TRIM2: variants seen among roughly 807,000 people sequenced by gnomAD.
TRIM2 encodes the protein tripartite motif-containing protein 2.
Under a neutral mutation model 75.2 loss-of-function variants are expected in TRIM2, and 20 were observed. The observed-to-expected ratio is 0.27, with a 90% CI of 0.19 to 0.39. The LOEUF is 0.39. Ranked by LOEUF, TRIM2 falls within the 10% of genes least tolerant of loss-of-function variation. The probability of loss-of-function intolerance (pLI) is 1.00; values close to 1 mark genes in which losing one functional copy is unlikely to be tolerated. For missense variants in TRIM2, 660 were observed against 990.8 expected (o/e 0.67, Z 4.48); for synonymous variants, 373 against 388.3 (o/e 0.96, Z 0.46).
chr4:153,207,450 G>C (rs1272944529), intron 1 of TRIM2, among the ~76,000 whole-genome samples: 1 of 152,200 alleles, frequency 6.6e-6, no homozygotes, highest in Non-Finnish European at 1.5e-5. Context: ...ATCTCCCTAA[G>C]TCTGTATTCC....
chr4:153,262,271 C>T (rs1579096635), intron 1 of TRIM2, among the ~76,000 whole-genome samples: 1 of 152,060 alleles, frequency 6.6e-6, no homozygotes, highest in South Asian at 2.1e-4. Flanking sequence ...CCCCAAAATT[C>T]CAAGGCTAGG....
intron 1 of TRIM2, among the ~76,000 whole-genome samples, chr4:153,196,284 C>T (rs1363204796): frequency 6.6e-6 from 1 of 150,948 alleles, no homozygotes; most frequent in African/African-American, 2.5e-5. Context: ...CACACACACA[C>T]ACACAAACTG....
chr4:153,158,504 A>G (rs1006025403), intron 1 of TRIM2, among the ~76,000 whole-genome samples: 2 of 152,202 alleles, frequency 1.3e-5, no homozygotes, highest in African/African-American at 2.4e-5. Context: ...TAAATCTGTT[A>G]AATAATCACT....
intron 1 of TRIM2, among the ~76,000 whole-genome samples, chr4:153,238,098 CCTT>C (rs1745496037): frequency 6.6e-6 from 1 of 152,132 alleles, no homozygotes; most frequent in Non-Finnish European, 1.5e-5. Context: ...GGAATTTGGG[CCTT>C]CTTGTTTATT....
At chr4:153,276,345 A>G (rs1758024985) in intron 3 of TRIM2, 1 of 591,562 alleles carries the variant, frequency 1.7e-6, no homozygotes, top group East Asian at 2.8e-5. Context: ...TCTCCTTCAC[A>G]CATATTGTTG....
intron 1 of TRIM2, among the ~76,000 whole-genome samples, chr4:153,206,029 G>A (rs1200570352): frequency 6.6e-6 from 1 of 152,208 alleles, no homozygotes; most frequent in Non-Finnish European, 1.5e-5. Context: ...AGGCTCCAAA[G>A]GGAAAGGACA....
At chr4:153,244,636 G>A (rs75995700) in intron 1 of TRIM2, among the ~76,000 whole-genome samples, 4,771 of 151,658 alleles carry the variant, frequency 0.031, 96 homozygotes, top group Non-Finnish European at 0.046. Flanking sequence ...ATTTCCTCTG[G>A]GTTGAGGGAA....
At chr4:153,280,443 C>T (rs1326568334) in intron 3 of TRIM2, among the ~76,000 whole-genome samples, 13 of 134,808 alleles carry the variant, frequency 9.6e-5, no homozygotes, top group African/African-American at 3.8e-4. Context: ...GCAAGTGGCA[C>T]TATCTATCAT....
chr4:153,284,630 T>C (rs1230656381), intron 3 of TRIM2, among the ~76,000 whole-genome samples: 1 of 152,242 alleles, frequency 6.6e-6, no homozygotes, highest in African/African-American at 2.4e-5. Flanking sequence ...TCCTGACTTT[T>C]GATTCTAGTG....
At position 153,175,272 on chromosome 4, in the gene TRIM2, G is replaced by A. The variant is rs548536027; in HGVS notation, c.-49+22002G>A. ...GCTGACCTCGTGATCCACCCGCCTC[G>A]GCTTCCCAACGTGCTGGCATTACAG... On this transcript the variant is annotated intron_variant, in intron 1 of 11. Coordinates refer to the TRIM2 transcript ENST00000437508. Among the ~76,000 whole-genome samples the A allele has an allele frequency of 3.3e-5, 5 of 152,096 alleles. No individual in the cohort carries two copies. In the East Asian group the frequency reaches 9.7e-4, roughly 29 times the overall value.
At chr4:153,267,578 G>A (rs2150021968) in intron 1 of TRIM2, among the ~76,000 whole-genome samples, 1 of 152,312 alleles carries the variant, frequency 6.6e-6, no homozygotes, top group South Asian at 2.1e-4. Flanking sequence ...GTGAATCCGG[G>A]AGGCGGAGCT....
chr4:153,229,547 C>G (rs913658224), intron 1 of TRIM2, among the ~76,000 whole-genome samples: 1 of 152,162 alleles, frequency 6.6e-6, no homozygotes, highest in Admixed American at 6.5e-5. Context: ...CATGAGCCAT[C>G]GCACCTGGCC....
chr4:153,254,639 G>C (rs771363411), intron 1 of TRIM2, among the ~76,000 whole-genome samples: 10 of 152,162 alleles, frequency 6.6e-5, no homozygotes, highest in African/African-American at 2.4e-4. Flanking sequence ...TTCCGTGGGG[G>C]CCTCCCACGG....
chr4:153,244,364 T>TCC (rs1560874466), intron 1 of TRIM2, among the ~76,000 whole-genome samples: 1 of 30,728 alleles, frequency 3.3e-5, no homozygotes, highest in Non-Finnish European at 5.2e-5. Flanking sequence ...CCTCTTCTTC[T>TCC]TCTTCTTCTT....
chr4:153,338,953 GT>G lies in TRIM2; in HGVS notation c.*3999del, dbSNP rs71598263. ...CAAGCCTATGTATGAATATGAAGGG[GT>G]TTTTTTTTTTTGCTTTGTTTTCTTT... On this transcript the variant is annotated 3_prime_UTR_variant, in exon 12 of 12. Coordinates refer to ENST00000338700, the MANE Select transcript of TRIM2 (RefSeq NM_015271.5). 51,062 of 770,324 alleles carry G rather than the reference GT, an allele frequency of 0.066. 1,466 individuals carry two copies. The highest frequency in any genetic ancestry group is 0.22 in the African/African-American group (11,691 of 53,662). The allele number at this position is 770,324 out of a possible 1,614,324, so 47.7% of individuals were successfully genotyped here. A position where few individuals can be genotyped will look rare whatever the true frequency, so the allele number is the denominator to read the frequency against.
At chr4:153,200,558 G>T (rs558174707), upstream of TRIM2, among the ~76,000 whole-genome samples, 3 of 151,978 alleles carry the variant, frequency 2.0e-5, no homozygotes, top group Non-Finnish European at 4.4e-5. Flanking sequence ...TCCAGAAGTA[G>T]AATTGCTTGC....
At chr4:153,168,861 C>T (rs1286478970) in intron 1 of TRIM2, among the ~76,000 whole-genome samples, 5 of 152,084 alleles carry the variant, frequency 3.3e-5, no homozygotes, top group African/African-American at 1.2e-4. Flanking sequence ...GGGACTACTT[C>T]AGCTTAGGAG....
At chr4:153,225,584 T>C (rs1038857344) in intron 1 of TRIM2, among the ~76,000 whole-genome samples, 6 of 152,202 alleles carry the variant, frequency 3.9e-5, no homozygotes, top group African/African-American at 1.4e-4. Flanking sequence ...GTATTTTCTC[T>C]GGAAGAAAAT....
chr4:153,335,149 CT>C lies in TRIM2; in HGVS notation c.*186del, dbSNP rs1173325035. On this transcript the variant is annotated 3_prime_UTR_variant, in exon 12 of 12. Coordinates refer to ENST00000338700, the MANE Select transcript of TRIM2 (RefSeq NM_015271.5). The stretch of plus-strand genomic sequence containing the variant: ...GACTTATCCAATTTCTGTATTTCAC[CT>C]TTAGGGTTAAAAAAAACTCTTCTAC... 4.7e-6 allele frequency: 6 copies of C among 1,279,090 alleles called. No individual in the cohort carries two copies. In the East Asian group the frequency reaches 1.7e-4, roughly 37 times the overall value. The allele number at this position is 1,279,090 out of a possible 1,614,324, so 79.2% of individuals were successfully genotyped here. A position where few individuals can be genotyped will look rare whatever the true frequency, so the allele number is the denominator to read the frequency against.
Sources: allele counts gnomAD v4.1 joint callset (sites outside exome capture counted in the v4.1 genomes callset), GRCh38; gene constraint gnomAD v4.1.1; transcripts MANE v1.5; gene names NCBI Gene and HGNC (gene_info 2026-07-23, HGNC 2026-07-21).